The following ATXN1 variants were observed in gnomAD, a reference collection of about 807,000 sequenced individuals.
ATXN1 encodes the protein ataxin-1.
ATXN1 carries 8 observed loss-of-function variants against 56.4 expected under a neutral mutation model. The observed-to-expected ratio is 0.14, with a 90% CI of 0.08 to 0.26. The LOEUF (loss-of-function observed/expected upper bound fraction) is 0.26, where lower values mean the gene tolerates loss of function less well. Among genes scored for constraint, ATXN1 ranks in the 10% least tolerant of loss-of-function variants. The pLI is 1.00. For missense variants in ATXN1, 987 were observed against 1,106.5 expected, an observed-to-expected ratio of 0.89 and a Z score of 1.53; for synonymous variants, 514 against 494.6, an observed-to-expected ratio of 1.04 and a Z score of -0.52.
chr6:16,370,755 A>C (rs1457543642), intron 6 of ATXN1, among the ~76,000 whole-genome samples: 1 of 152,216 alleles, frequency 6.6e-6, no homozygotes, highest in African/African-American at 2.4e-5. Flanking sequence ...TTCACTTAAC[A>C]TTGTATTGTA....
intron 2 of ATXN1, among the ~76,000 whole-genome samples, chr6:16,681,754 G>C (rs981682016): frequency 6.6e-6 from 1 of 152,190 alleles, no homozygotes; most frequent in African/African-American, 2.4e-5. Flanking sequence ...TAGAGTAACT[G>C]CCATTATGCA....
chr6:16,730,140 G>A (rs551934605), intron 2 of ATXN1, among the ~76,000 whole-genome samples: 7 of 152,194 alleles, frequency 4.6e-5, no homozygotes, highest in South Asian at 2.1e-4. Context: ...AAAATTAGTC[G>A]GGCATGGTGG....
chr6:16,468,172 T>C lies in ATXN1; in HGVS notation c.-161+17800A>G, dbSNP rs146849514. The stretch of plus-strand genomic sequence containing the variant: ...GAATTTGGTTTAGGACTGGTTTTTA[T>C]TATTATTTTTATTTTTATTTTATTT... On this transcript the variant is annotated intron_variant, in intron 6 of 7. Transcript: ENST00000436367. 1.0e-3 allele frequency among the ~76,000 whole-genome samples: 156 copies of C among 152,202 alleles called. No homozygotes were observed. The East Asian group carries it at 0.026, about 25-fold the overall frequency.
chr6:16,557,657 A>G (rs920489728), intron 4 of ATXN1, among the ~76,000 whole-genome samples: 2 of 152,254 alleles, frequency 1.3e-5, no homozygotes, highest in African/African-American at 4.8e-5. Context: ...GGGCACAGGA[A>G]TACTTAGCAA....
At chr6:16,394,700 C>A (rs1758418015) in intron 6 of ATXN1, among the ~76,000 whole-genome samples, 1 of 152,156 alleles carries the variant, frequency 6.6e-6, no homozygotes, top group Non-Finnish European at 1.5e-5. Context: ...GCTCCAATAA[C>A]TAGATCCATA....
intron 4 of ATXN1, among the ~76,000 whole-genome samples, chr6:16,556,550 C>G (rs1164467643): frequency 1.3e-5 from 2 of 152,178 alleles, no homozygotes; most frequent in East Asian, 3.8e-4. Flanking sequence ...CATACTTTAC[C>G]TTTCTGCAAA....
At chr6:16,647,016 T>G (rs986291726) in intron 3 of ATXN1, among the ~76,000 whole-genome samples, 2 of 152,148 alleles carry the variant, frequency 1.3e-5, no homozygotes, top group African/African-American at 4.8e-5. Context: ...TTTGTTTTGT[T>G]TTTTTTGAGA....
chr6:16,708,316 A>G (rs1427384191), intron 2 of ATXN1, among the ~76,000 whole-genome samples: 2 of 152,214 alleles, frequency 1.3e-5, no homozygotes, highest in Admixed American at 1.3e-4. Flanking sequence ...ATTTAAAGCA[A>G]CAACTATGAA....
intron 2 of ATXN1, among the ~76,000 whole-genome samples, chr6:16,716,440 G>C (rs971371842): frequency 6.6e-6 from 1 of 152,186 alleles, no homozygotes; most frequent in African/African-American, 2.4e-5. Flanking sequence ...AATACACTAG[G>C]AACTGGAAGA....
intron 2 of ATXN1, among the ~76,000 whole-genome samples, chr6:16,744,851 A>G (rs942781457): frequency 6.6e-6 from 1 of 152,214 alleles, no homozygotes; most frequent in African/African-American, 2.4e-5. Flanking sequence ...GATCATATAA[A>G]AACTTGAACC....
At chr6:16,344,999 C>T (rs1761346008) in intron 6 of ATXN1, among the ~76,000 whole-genome samples, 1 of 152,172 alleles carries the variant, frequency 6.6e-6, no homozygotes, top group Non-Finnish European at 1.5e-5. Flanking sequence ...TTCACAACCC[C>T]TTGGGTTTCT....
chr6:16,386,756 G>A (rs1042911029), intron 6 of ATXN1, among the ~76,000 whole-genome samples: 2 of 152,248 alleles, frequency 1.3e-5, no homozygotes, highest in African/African-American at 2.4e-5. Flanking sequence ...AGAGAGAAAT[G>A]AGCGTAACTC....
intron 6 of ATXN1, among the ~76,000 whole-genome samples, chr6:16,406,298 T>C (rs549908778): frequency 1.3e-5 from 2 of 152,332 alleles, no homozygotes; most frequent in South Asian, 4.1e-4. Flanking sequence ...AATAATTTTT[T>C]CAAGAATCTA....
At chr6:16,584,034 C>T (rs936830278) in intron 4 of ATXN1, among the ~76,000 whole-genome samples, 1 of 151,566 alleles carries the variant, frequency 6.6e-6, no homozygotes, top group East Asian at 1.9e-4. Flanking sequence ...TTTGCAGCAA[C>T]ACCCAAGGGA....
In ATXN1 at chr6:16,505,842, T is replaced by C. The variant is rs370789733; in HGVS notation, c.-299+16785A>G. Among the ~76,000 whole-genome samples, 26 of 152,356 alleles carry C rather than the reference T, an allele frequency of 1.7e-4. 1 individual carries two copies. The East Asian group carries it at 4.2e-3, about 25-fold the overall frequency. On this transcript the variant is annotated intron_variant, in intron 5 of 7. Transcript: ENST00000436367. ...TATCTTTTAAACACTTAAGTAATTT[T>C]AGTGTTGCTTCACTTGCCAGAGTAA...
chr6:16,625,758 C>T (rs945448156), intron 3 of ATXN1, among the ~76,000 whole-genome samples: 3 of 151,770 alleles, frequency 2.0e-5, no homozygotes, highest in African/African-American at 7.3e-5. Flanking sequence ...TTCCCCTCTT[C>T]GAAAAATGCA....
rs1760069042 is a variant in ATXN1 at position 16,300,878 on chromosome 6, G to A, written c.*5451C>T. 6.6e-6 allele frequency: 1 copy of A among 152,606 alleles called. No homozygotes were observed. 9.5% of individuals were successfully genotyped at this position (152,606 alleles called of 1,614,324 possible). A position where few individuals can be genotyped will look rare whatever the true frequency, so the allele number is the denominator to read the frequency against. On this transcript the variant is annotated 3_prime_UTR_variant, in exon 8 of 8. Transcript: ENST00000436367. ...AGCTCAGAGAAGTACTTTCAGCATA[G>A]GAATGAACAGTATTCTCAAATCGCA...
chr6:16,677,086 A>G (rs1758678931), intron 2 of ATXN1, among the ~76,000 whole-genome samples: 1 of 152,102 alleles, frequency 6.6e-6, no homozygotes, highest in African/African-American at 2.4e-5. Context: ...CACCATGGGA[A>G]ATGTAAAAAG....
intron 4 of ATXN1, among the ~76,000 whole-genome samples, chr6:16,526,309 G>C (rs1761393680): frequency 6.6e-6 from 1 of 152,038 alleles, no homozygotes; most frequent in South Asian, 2.1e-4. Flanking sequence ...TATTGTGGTA[G>C]CATGTGGTTC....
Sources: gnomAD v4.1 joint callset for allele counts (sites outside exome capture counted in the v4.1 genomes callset) on GRCh38, gnomAD v4.1.1 for gene constraint, MANE v1.5 for transcripts, NCBI Gene and HGNC (gene_info 2026-07-23, HGNC 2026-07-21) for gene names.